NRXN3: variants seen among roughly 807,000 people sequenced by gnomAD.
The protein encoded by NRXN3 is neurexin III.
A neutral mutation model predicts 137.6 loss-of-function variants in NRXN3; 32 were observed. The observed-to-expected ratio is 0.23, with a 90% CI of 0.18 to 0.31. The LOEUF is 0.31. Ranked by LOEUF, NRXN3 falls within the 10% of genes least tolerant of loss-of-function variation. NRXN3 has a pLI of 1.00. For missense variants in NRXN3, 1,574 were observed against 2,062.5 expected, an observed-to-expected ratio of 0.76 and a Z score of 4.59; for synonymous variants, 798 against 784.5, an observed-to-expected ratio of 1.02 and a Z score of -0.29.
intron 20 of NRXN3, among the ~76,000 whole-genome samples, chr14:79,833,765 A>G (rs2099329595): frequency 6.6e-6 from 1 of 152,136 alleles, no homozygotes; most frequent in Non-Finnish European, 1.5e-5. Flanking sequence ...AAAGTTCTTA[A>G]TTGACATACT....
intron 10 of NRXN3, among the ~76,000 whole-genome samples, chr14:78,910,009 G>A (rs2099232288): frequency 6.6e-6 from 1 of 151,950 alleles, no homozygotes; most frequent in African/African-American, 2.4e-5. Flanking sequence ...TTTACGTATT[G>A]CTAACTATAC....
intron 2 of NRXN3, among the ~76,000 whole-genome samples, chr14:78,274,404 T>G (rs1352990788): frequency 6.6e-6 from 1 of 152,172 alleles, no homozygotes; most frequent in African/African-American, 2.4e-5. Flanking sequence ...TATAAAACCA[T>G]CAGATCTTGT....
chr14:79,137,025 G>A (rs145005935), intron 15 of NRXN3, among the ~76,000 whole-genome samples: 8 of 152,128 alleles, frequency 5.3e-5, no homozygotes, highest in Non-Finnish European at 8.8e-5. Flanking sequence ...ACCCCTTGGG[G>A]CCATTTGAGG....
At chr14:79,459,959 A>G (rs577852681) in intron 15 of NRXN3, among the ~76,000 whole-genome samples, 1 of 152,168 alleles carries the variant, frequency 6.6e-6, no homozygotes, top group Non-Finnish European at 1.5e-5. Flanking sequence ...TCCTTAGCGG[A>G]AGTATCCTGA....
chr14:79,292,221 G>A (rs544686711), intron 15 of NRXN3, among the ~76,000 whole-genome samples: 185 of 152,242 alleles, frequency 1.2e-3, no homozygotes, highest in African/African-American at 4.3e-3. Flanking sequence ...TTTCAAAACA[G>A]CCTTTGGAAA....
intron 15 of NRXN3, among the ~76,000 whole-genome samples, chr14:79,082,714 A>G (rs2047306183): frequency 6.6e-6 from 1 of 152,150 alleles, no homozygotes; most frequent in African/African-American, 2.4e-5. Context: ...TGCACGTTAC[A>G]TCAGGCATGA....
chr14:79,264,433 C>T (rs1453002193), intron 15 of NRXN3, among the ~76,000 whole-genome samples: 1 of 152,028 alleles, frequency 6.6e-6, no homozygotes, highest in Non-Finnish European at 1.5e-5. Flanking sequence ...GCTGGAAGTC[C>T]AAGCTTAAGG....
At chr14:79,715,257 A>G (rs1263456226) in intron 19 of NRXN3, among the ~76,000 whole-genome samples, 1 of 152,164 alleles carries the variant, frequency 6.6e-6, no homozygotes, top group Non-Finnish European at 1.5e-5. Flanking sequence ...CCAGCCTCTT[A>G]AATCCTGTTG....
At chr14:78,979,409 A>G (rs2153040965) in intron 14 of NRXN3, among the ~76,000 whole-genome samples, 1 of 152,300 alleles carries the variant, frequency 6.6e-6, no homozygotes, top group East Asian at 1.9e-4. Flanking sequence ...GGGTTTCTAT[A>G]GACTTATTTA....
At chr14:78,305,382 A>G (rs1266824560) in intron 4 of NRXN3, among the ~76,000 whole-genome samples, 1 of 152,050 alleles carries the variant, frequency 6.6e-6, no homozygotes, top group East Asian at 1.9e-4. Flanking sequence ...CCTGGTGTTG[A>G]CCCTAAGATC....
chr14:79,080,061 C>T (rs112833644), intron 15 of NRXN3, among the ~76,000 whole-genome samples: 4,390 of 152,188 alleles, frequency 0.029, 207 homozygotes, highest in African/African-American at 0.1. Context: ...TTATGCCATT[C>T]AGTCTGATTA....
chr14:79,006,983 A>G (rs892929312), intron 15 of NRXN3, among the ~76,000 whole-genome samples: 1 of 152,132 alleles, frequency 6.6e-6, no homozygotes, highest in African/African-American at 2.4e-5. Context: ...AGGTATTCAA[A>G]ACTGTTATTT....
intron 1 of NRXN3, among the ~76,000 whole-genome samples, chr14:78,174,697 G>A (rs1025633530): frequency 7.9e-5 from 12 of 152,242 alleles, no homozygotes; most frequent in South Asian, 4.2e-4. Context: ...TGGTAGTGAC[G>A]GGGAAGGAAG....
At chr14:78,186,126 G>A (rs1253974444) in intron 1 of NRXN3, among the ~76,000 whole-genome samples, 3 of 152,226 alleles carry the variant, frequency 2.0e-5, no homozygotes, top group Non-Finnish European at 4.4e-5. Context: ...GCCAATTCTA[G>A]AATCTAGTCC....
At chr14:79,860,101 A>G (rs1053523033) in intron 20 of NRXN3, among the ~76,000 whole-genome samples, 4 of 152,168 alleles carry the variant, frequency 2.6e-5, no homozygotes, top group Non-Finnish European at 5.9e-5. Context: ...TTAATGAACT[A>G]TTCTGAGCTT....
In NRXN3 at chr14:79,741,801, TACAC is replaced by T. The variant is rs34107894; in HGVS notation, c.4014+43890_4014+43893del. ...ATACCTGGCCAAAATGTGTATACAT[TACAC>T]ACACACACACACACACACACACACA... is the stretch of plus-strand genomic sequence containing the variant. On this transcript the variant is annotated intron_variant, in intron 19 of 20. Coordinates refer to ENST00000335750, the MANE Select transcript of NRXN3 (RefSeq NM_001330195.2). Among the ~76,000 whole-genome samples, 693 of 146,886 alleles carry T rather than the reference TACAC, an allele frequency of 4.7e-3. 12 individuals carry two copies. Among genetic ancestry groups the T allele is most frequent in the East Asian group, 0.044 (220 of 4,944 alleles).
intron 15 of NRXN3, among the ~76,000 whole-genome samples, chr14:79,306,113 T>G (rs1257171046): frequency 6.6e-6 from 1 of 152,096 alleles, no homozygotes; most frequent in Non-Finnish European, 1.5e-5. Context: ...CTGGGGACAT[T>G]TGCAGTGCTG....
At chr14:79,649,504 G>A (rs1776384636) in intron 16 of NRXN3, among the ~76,000 whole-genome samples, 1 of 152,138 alleles carries the variant, frequency 6.6e-6, no homozygotes, top group Non-Finnish European at 1.5e-5. Context: ...GGAGTATAAG[G>A]AAGGCCCTTT....
intron 9 of NRXN3, among the ~76,000 whole-genome samples, chr14:78,808,839 TG>T (rs974805730): frequency 2.0e-5 from 3 of 152,150 alleles, no homozygotes; most frequent in Non-Finnish European, 4.4e-5. Context: ...TGATTCACTT[TG>T]GGGAATTCAA....
Sources: allele counts gnomAD v4.1 joint callset (sites outside exome capture counted in the v4.1 genomes callset), GRCh38; gene constraint gnomAD v4.1.1; transcripts MANE v1.5; gene names NCBI Gene and HGNC (gene_info 2026-07-23, HGNC 2026-07-21).